The following AFG2A variants were observed in gnomAD, a reference collection of about 807,000 sequenced individuals.
AFG2A encodes ATPase family gene 2 protein homolog A.
the AFG2A span, among the ~76,000 whole-genome samples, chr4:123,086,085 G>C: frequency 1.6e-4 from 24 of 152,084 alleles, no homozygotes; most frequent in South Asian, 5.0e-3. Context: ...GCTTTTGTTA[G>C]ATCAGTTAAA....
chr4:123,150,271 C>T, the AFG2A span, among the ~76,000 whole-genome samples: 1 of 152,222 alleles, frequency 6.6e-6, no homozygotes, highest in African/African-American at 2.4e-5. Context: ...GAAGTTCTGG[C>T]CAGGGCAATC....
At chr4:122,949,034 G>A in the AFG2A span, among the ~76,000 whole-genome samples, 23 of 152,304 alleles carry the variant, frequency 1.5e-4, no homozygotes, top group East Asian at 1.2e-3. Flanking sequence ...ATTAAAACAC[G>A]TGGTTATAGG....
At chr4:123,064,379 T>G in the AFG2A span, among the ~76,000 whole-genome samples, 1 of 152,214 alleles carries the variant, frequency 6.6e-6, no homozygotes, top group Admixed American at 6.5e-5. Context: ...TTAGTGCTTA[T>G]TACATACTAG....
At chr4:122,945,048 T>G in the AFG2A span, among the ~76,000 whole-genome samples, 1 of 152,110 alleles carries the variant, frequency 6.6e-6, no homozygotes, top group African/African-American at 2.4e-5. Context: ...CTGCCCCTAC[T>G]GGGGGTGCCT....
the AFG2A span, among the ~76,000 whole-genome samples, chr4:123,216,107 A>T: frequency 6.6e-6 from 1 of 152,136 alleles, no homozygotes; most frequent in African/African-American, 2.4e-5. Context: ...GAGGTCCCAG[A>T]ATTTTATATC....
chr4:123,145,943 G>A, the AFG2A span, among the ~76,000 whole-genome samples: 9 of 151,964 alleles, frequency 5.9e-5, no homozygotes, highest in Non-Finnish European at 1.3e-4. Flanking sequence ...AATACTTATA[G>A]CAGTACTTCA....
At chr4:123,246,243 T>C in the AFG2A span, among the ~76,000 whole-genome samples, 4 of 152,218 alleles carry the variant, frequency 2.6e-5, no homozygotes, top group Non-Finnish European at 5.9e-5. Flanking sequence ...TGTGCAGTTA[T>C]ACTTCAAAGA....
chr4:123,078,353 TA>T, the AFG2A span, among the ~76,000 whole-genome samples: 1 of 152,202 alleles, frequency 6.6e-6, no homozygotes, highest in Admixed American at 6.5e-5. Context: ...CGTCAAGGAA[TA>T]AAAGACTGTA....
At chr4:123,080,875 C>T in the AFG2A span, among the ~76,000 whole-genome samples, 14 of 152,028 alleles carry the variant, frequency 9.2e-5, no homozygotes, top group African/African-American at 1.4e-4. Flanking sequence ...CGTCCTGGAT[C>T]GCTCCAACAT....
the AFG2A span, among the ~76,000 whole-genome samples, chr4:123,123,370 T>C: frequency 6.6e-6 from 1 of 152,226 alleles, no homozygotes; most frequent in Non-Finnish European, 1.5e-5. Flanking sequence ...AAGTTAGACA[T>C]GTAGTCAGTG....
At chr4:123,118,355 A>ATATATATAT in the AFG2A span, among the ~76,000 whole-genome samples, 1 of 134,728 alleles carries the variant, frequency 7.4e-6, no homozygotes, top group South Asian at 2.3e-4. Context: ...TATATATATT[A>ATATATATAT]TATATATATA....
the AFG2A span, among the ~76,000 whole-genome samples, chr4:123,108,757 T>C: frequency 9.9e-5 from 15 of 152,146 alleles, no homozygotes; most frequent in Admixed American, 2.6e-4. Context: ...GAAAATAGAA[T>C]GCTAATGTTG....
chr4:123,150,153 C>T, the AFG2A span, among the ~76,000 whole-genome samples: 1 of 152,092 alleles, frequency 6.6e-6, no homozygotes. Flanking sequence ...TCATGACAAA[C>T]CCACAGCCAG....
chr4:123,098,100 A>T, the AFG2A span, among the ~76,000 whole-genome samples: 1 of 152,078 alleles, frequency 6.6e-6, no homozygotes, highest in East Asian at 1.9e-4. Flanking sequence ...ATAAAGCCTA[A>T]ATTATATACT....
the AFG2A span, among the ~76,000 whole-genome samples, chr4:123,199,211 T>C: frequency 1.3e-5 from 2 of 148,708 alleles, no homozygotes; most frequent in Non-Finnish European, 3.0e-5. Context: ...GATATAGACA[T>C]AGTCATAGGC....
At chr4:122,938,883 C>T in the AFG2A span, among the ~76,000 whole-genome samples, 1 of 152,094 alleles carries the variant, frequency 6.6e-6, no homozygotes, top group Non-Finnish European at 1.5e-5. Context: ...GTGTGAGCCG[C>T]TACATCTGGC....
the AFG2A span, among the ~76,000 whole-genome samples, chr4:123,152,797 C>G: frequency 2.0e-5 from 3 of 152,202 alleles, no homozygotes; most frequent in South Asian, 6.2e-4. Flanking sequence ...CAAAAACCTG[C>G]ATACAATGTT....
chr4:123,067,961 C>T, the AFG2A span, among the ~76,000 whole-genome samples: 5 of 152,106 alleles, frequency 3.3e-5, no homozygotes, highest in Middle Eastern at 3.4e-3. Context: ...TTTAAGATAC[C>T]GTAATATCCC....
At chr4:123,128,617 T>A in the AFG2A span, among the ~76,000 whole-genome samples, 1 of 152,172 alleles carries the variant, frequency 6.6e-6, no homozygotes, top group Non-Finnish European at 1.5e-5. Flanking sequence ...TTGTGTAGTG[T>A]TAACATTGAA....
Sources: gnomAD v4.1 joint callset for allele counts (sites outside exome capture counted in the v4.1 genomes callset) on GRCh38, gnomAD v4.1.1 for gene constraint, MANE v1.5 for transcripts, NCBI Gene and HGNC (gene_info 2026-07-23, HGNC 2026-07-21) for gene names.